The following BEND4 variants were observed in gnomAD, a reference collection of about 807,000 sequenced individuals.
BEND4 encodes BEN domain containing 4.
BEND4 carries 27 observed loss-of-function variants against 54.7 expected under a neutral mutation model. The ratio of observed to expected loss-of-function variants is 0.49; its 90% confidence interval spans 0.36 to 0.68. The LOEUF (loss-of-function observed/expected upper bound fraction) is 0.68, where lower values mean the gene tolerates loss of function less well. BEND4 is among the 30% of genes least tolerant of loss of function. The pLI is 0.00. For missense variants in BEND4, 702 were observed against 697.2 expected, an observed-to-expected ratio of 1.01 and a Z score of -0.08; for synonymous variants, 327 against 299.5, an observed-to-expected ratio of 1.09 and a Z score of -0.95.
intron 3 of BEND4, among the ~76,000 whole-genome samples, chr4:42,139,792 A>C (rs1337617626): frequency 6.6e-6 from 1 of 151,748 alleles, no homozygotes; most frequent in African/African-American, 2.4e-5. Flanking sequence ...ACACAGGTAG[A>C]TTCTACTAGA....
At chr4:42,148,223 G>A (rs1721145414) in intron 2 of BEND4, among the ~76,000 whole-genome samples, 2 of 152,142 alleles carry the variant, frequency 1.3e-5, no homozygotes, top group Admixed American at 1.3e-4. Context: ...CACCACCCTT[G>A]TCTTAAATCA....
intron 2 of BEND4, 143 bp downstream of exon 2, chr4:42,151,514 C>G: frequency 1.2e-6 from 1 of 838,750 alleles, no homozygotes; most frequent in Non-Finnish European, 1.6e-6. Context: ...TTTCCGGGTG[C>G]GCGGGGAGGC....
At chr4:42,133,219 C>T (rs1288761765) in intron 3 of BEND4, among the ~76,000 whole-genome samples, 2 of 152,188 alleles carry the variant, frequency 1.3e-5, no homozygotes, top group Non-Finnish European at 2.9e-5. Flanking sequence ...GGCAGCTGTA[C>T]TGTCTAAGCA....
rs532352175 is a variant in BEND4, at chr4:42,150,205, G to A, written c.487+1452C>T. ...AGAAAATGAACCTCCTTAAGAAGGG[G>A]GGAAAAAGAAAAAAAGTAAGGAGGA... On this transcript the variant is annotated intron_variant, in intron 2 of 5. Transcript: ENST00000502486. Among the ~76,000 whole-genome samples the A allele has an allele frequency of 2.2e-4, 33 of 151,984 alleles. No individual in the cohort carries two copies. The South Asian group carries it at 6.9e-3, about 32-fold the overall frequency.
At chr4:42,143,375 C>T (rs1445468919) in intron 3 of BEND4, 53 bp downstream of exon 3, 2 of 1,382,414 alleles carry the variant, frequency 1.4e-6, no homozygotes, top group Admixed American at 3.9e-5. Context: ...ACAGATGAGA[C>T]AAGTGAAAGA....
At chr4:42,151,529 G>A (rs529088263) in intron 2 of BEND4, 128 bp downstream of exon 2, 1 of 1,006,830 alleles carries the variant, frequency 9.9e-7, no homozygotes, top group African/African-American at 1.7e-5. Flanking sequence ...GGAGGCCCCA[G>A]GTGCGCCCCG....
chr4:42,150,751 G>C (rs6821766), intron 2 of BEND4, among the ~76,000 whole-genome samples: 52,611 of 152,186 alleles, frequency 0.35, 12,479 homozygotes, highest in African/African-American at 0.68. Flanking sequence ...CTGCTTTGCC[G>C]GGCAGCGCCC....
chr4:42,143,234 T>G (rs559413308), intron 3 of BEND4, among the ~76,000 whole-genome samples, 194 bp downstream of exon 3: 40 of 152,322 alleles, frequency 2.6e-4, no homozygotes, highest in African/African-American at 9.1e-4. Context: ...AATTTCTGTT[T>G]GGCACTGGAC....
At chr4:42,137,187 G>C (rs1720726577) in intron 3 of BEND4, among the ~76,000 whole-genome samples, 2 of 152,114 alleles carry the variant, frequency 1.3e-5, no homozygotes, top group African/African-American at 4.8e-5. Context: ...AATATTTGCT[G>C]TGGCCCCATG....
intron 3 of BEND4, among the ~76,000 whole-genome samples, chr4:42,129,138 A>G (rs1720411373): frequency 6.6e-6 from 1 of 152,114 alleles, no homozygotes; most frequent in Admixed American, 6.5e-5. Context: ...TACACCAATA[A>G]CAGACAGCCA....
chr4:42,145,607 G>A (rs774725662), intron 2 of BEND4, among the ~76,000 whole-genome samples: 109 of 150,852 alleles, frequency 7.2e-4, no homozygotes, highest in Admixed American at 1.4e-3. Flanking sequence ...CAGGAGAATC[G>A]CTTGAACCCA....
intron 3 of BEND4, among the ~76,000 whole-genome samples, chr4:42,130,874 T>C (rs1395219823): frequency 7.0e-6 from 1 of 142,146 alleles, no homozygotes. Context: ...CATAGAATAC[T>C]ATGCAGCCAC....
intron 3 of BEND4, among the ~76,000 whole-genome samples, chr4:42,135,161 A>C (rs1201670911): frequency 6.6e-6 from 1 of 152,134 alleles, no homozygotes; most frequent in Non-Finnish European, 1.5e-5. Flanking sequence ...CCTGGTTGAC[A>C]CCAGTGGAGA....
In BEND4 at chr4:42,117,583, T is replaced by C. The variant is rs749222163; in HGVS notation, c.1540A>G (p.Ile514Val). 3 of 1,613,268 alleles carry C rather than the reference T, an allele frequency of 1.9e-6. No individual in the cohort carries two copies. The highest frequency in any genetic ancestry group is 2.5e-6 in the Non-Finnish European group (3 of 1,179,684). ...LHNGGSFYEG[I>V]DHQASQDEVF... ...TCATCCTGAGAAGCCTGGTGATCGATCCCTTCATAAAATGAGCCACCGTTG... is the reference window on the plus strand; with the variant it reads ...TCATCCTGAGAAGCCTGGTGATCGACCCCTTCATAAAATGAGCCACCGTTG... The change falls in exon 6 of 6, where the codon ATC becomes GTC. Residue 514 changes from isoleucine (I) to valine (V), a missense_variant. Coordinates refer to ENST00000502486, the MANE Select transcript of BEND4 (RefSeq NM_207406.4).
At chr4:42,147,500 T>G (rs889303876) in intron 2 of BEND4, among the ~76,000 whole-genome samples, 3 of 133,712 alleles carry the variant, frequency 2.2e-5, no homozygotes, top group Admixed American at 7.4e-5. Context: ...TTTTTTTTTT[T>G]GTTAAGTCAT....
At chr4:42,127,709 T>C (rs1720340819) in intron 3 of BEND4, among the ~76,000 whole-genome samples, 1 of 152,204 alleles carries the variant, frequency 6.6e-6, no homozygotes, top group South Asian at 2.1e-4. Context: ...TCACAGTTTA[T>C]GGTTAGAATA....
chr4:42,124,248 G>A (rs1470844498), intron 4 of BEND4, among the ~76,000 whole-genome samples: 4 of 152,152 alleles, frequency 2.6e-5, no homozygotes, highest in Non-Finnish European at 5.9e-5. Flanking sequence ...GGCTATTTGC[G>A]GGGCTGAGGT....
chr4:42,126,960 G>C (rs1031228881), intron 3 of BEND4, among the ~76,000 whole-genome samples: 1 of 152,176 alleles, frequency 6.6e-6, no homozygotes, highest in Non-Finnish European at 1.5e-5. Flanking sequence ...GTATTTCTTA[G>C]CTGTGTGTTT....
intron 3 of BEND4, among the ~76,000 whole-genome samples, chr4:42,130,441 T>C (rs986656105): frequency 1.4e-4 from 21 of 145,290 alleles, no homozygotes; most frequent in Admixed American, 9.7e-4. Flanking sequence ...GATCACGCCA[T>C]TGCACTCCAG....
Sources: gnomAD v4.1 joint callset for allele counts (sites outside exome capture counted in the v4.1 genomes callset) on GRCh38, gnomAD v4.1.1 for gene constraint, MANE v1.5 for transcripts, NCBI Gene and HGNC (gene_info 2026-07-23, HGNC 2026-07-21) for gene names.